The following LMO7 variants were observed in gnomAD, a reference collection of about 807,000 sequenced individuals.
LMO7 encodes LIM domain 7, also known as LIM domain only protein 7.
Under a neutral mutation model 206.5 loss-of-function variants are expected in LMO7, and 120 were observed. The ratio of observed to expected loss-of-function variants is 0.58; its 90% CI spans 0.50 to 0.68. The LOEUF (loss-of-function observed/expected upper bound fraction) is 0.68. LMO7 is among the 30% of genes least tolerant of loss of function. The pLI, the probability that LMO7 is intolerant of heterozygous loss-of-function variation, is 0.00. For synonymous variants in LMO7, 706 were observed against 681.5 expected, an observed-to-expected ratio of 1.04 and a Z score of -0.56; for missense variants, 1,959 against 1,957.9, an observed-to-expected ratio of 1.00 and a Z score of -0.01.
chr13:75,719,307 C>T (rs1458284454), intron 2 of LMO7, among the ~76,000 whole-genome samples: 1 of 152,070 alleles, frequency 6.6e-6, no homozygotes, highest in African/African-American at 2.4e-5. Context: ...TGCTGAATAA[C>T]GTTCTACTGT....
chr13:75,632,594 G>A (rs1241681549), upstream of LMO7, among the ~76,000 whole-genome samples: 3 of 152,188 alleles, frequency 2.0e-5, no homozygotes, highest in Non-Finnish European at 4.4e-5. Context: ...AGTGATTCTG[G>A]TAGCTTGCTA....
chr13:75,844,077 C>T (rs1043766263), intron 25 of LMO7, among the ~76,000 whole-genome samples: 4 of 152,168 alleles, frequency 2.6e-5, no homozygotes, highest in Non-Finnish European at 4.4e-5. Context: ...ATTTATATAG[C>T]TCATGACCTT....
At chr13:75,770,500 C>T (rs1300264321) in intron 4 of LMO7, among the ~76,000 whole-genome samples, 1 of 152,004 alleles carries the variant, frequency 6.6e-6, no homozygotes, top group Non-Finnish European at 1.5e-5. Flanking sequence ...AGAAATAAAA[C>T]CTACTCCTTT....
At chr13:75,686,000 G>A (rs1401779478) in intron 1 of LMO7, among the ~76,000 whole-genome samples, 1 of 145,732 alleles carries the variant, frequency 6.9e-6, no homozygotes, top group Admixed American at 7.2e-5. Flanking sequence ...TGATCCTCCT[G>A]CATAGCTGGG....
intron 25 of LMO7, among the ~76,000 whole-genome samples, chr13:75,844,114 A>G (rs1315755988): frequency 1.3e-5 from 2 of 152,176 alleles, no homozygotes; most frequent in African/African-American, 4.8e-5. Context: ...ATGCAGAGAA[A>G]GGAAACTTAA....
intron 3 of LMO7, among the ~76,000 whole-genome samples, chr13:75,753,989 C>T (rs996015999): frequency 6.6e-6 from 1 of 152,010 alleles, no homozygotes; most frequent in South Asian, 2.1e-4. Context: ...CACTTGTATC[C>T]CTAAAGCTAT....
chr13:75,800,624 T>C (rs2054610200), intron 6 of LMO7, 60 bp from the exon 7 acceptor site: 5 of 1,454,748 alleles, frequency 3.4e-6, no homozygotes, highest in African/African-American at 1.4e-5. Flanking sequence ...TAATAACCGA[T>C]TGATTATATT....
upstream of LMO7, among the ~76,000 whole-genome samples, chr13:75,635,381 T>A (rs548631098): frequency 6.6e-6 from 1 of 152,068 alleles, no homozygotes; most frequent in South Asian, 2.1e-4. Flanking sequence ...GAGACCTGAT[T>A]TGAGCACTGG....
intron 3 of LMO7, among the ~76,000 whole-genome samples, chr13:75,744,017 T>C (rs1381634878): frequency 2.0e-5 from 3 of 152,340 alleles, no homozygotes; most frequent in Non-Finnish European, 4.4e-5. Context: ...GATTGTGCAT[T>C]GCTGTCTTCA....
chr13:75,773,491 A>G (rs2050002982), intron 4 of LMO7, among the ~76,000 whole-genome samples: 1 of 152,176 alleles, frequency 6.6e-6, no homozygotes, highest in Non-Finnish European at 1.5e-5. Context: ...AGGTAAGGTA[A>G]TTACGGCAGT....
chr13:75,708,239 T>A (rs1029624132), intron 1 of LMO7, among the ~76,000 whole-genome samples: 3 of 152,220 alleles, frequency 2.0e-5, no homozygotes, highest in Admixed American at 6.5e-5. Context: ...TTATGTAACT[T>A]GCTTAAGATC....
intron 1 of LMO7, among the ~76,000 whole-genome samples, chr13:75,663,831 CT>C (rs988690650): frequency 6.6e-6 from 1 of 151,558 alleles, no homozygotes; most frequent in Admixed American, 6.6e-5. Context: ...AGTTGGGCTT[CT>C]TTTTTTTAAT....
In LMO7 at chr13:75,859,288, A is replaced by C. The variant is rs1379901813; in HGVS notation, c.*1345A>C. 6.6e-6 allele frequency: 1 copy of C among 152,210 alleles called. No homozygotes were observed. The highest frequency in any genetic ancestry group is 1.5e-5 in the Non-Finnish European group (1 of 68,030). 9.4% of individuals were successfully genotyped at this position (152,210 alleles called of 1,614,324 possible). On this transcript the variant is annotated 3_prime_UTR_variant, in exon 31 of 31. Transcript: ENST00000377534. ...TTATTCTGATTATTATTAAAGTAAT[A>C]ATGTGTTCCTTGAGGATAACTTGTC...
chr13:75,731,565 G>C (rs1054583991), intron 3 of LMO7, among the ~76,000 whole-genome samples: 2 of 151,948 alleles, frequency 1.3e-5, no homozygotes, highest in Non-Finnish European at 2.9e-5. Context: ...CACACTGATG[G>C]GTCTTGACTC....
Position 75,805,504 on chromosome 13 carries a change from A to G in LMO7, c.940A>G (p.Asn314Asp). Reference sequence around the variant, plus strand: ...TAATCAGAGGAGGATTTGGGGCACCAATGTGGAGAACTGGCCAACTGTACA... The same window carrying G: ...TAATCAGAGGAGGATTTGGGGCACCGATGTGGAGAACTGGCCAACTGTACA... ...SSNQRRIWGT[N>D]VENWPTVQGT... The change falls in exon 9 of 31, where the codon AAT becomes GAT. Residue 314 changes from asparagine to aspartate, a missense_variant. Physicochemically the swap from Asn to Asp is conservative, Grantham distance 23. Coordinates refer to ENST00000377534, the MANE Select transcript of LMO7 (RefSeq NM_001306080.2). 6.2e-7 allele frequency: 1 copy of G among 1,614,004 alleles called. No individual in the cohort carries two copies.
At chr13:75,721,430 G>A (rs537313077) in intron 2 of LMO7, among the ~76,000 whole-genome samples, 102 of 152,282 alleles carry the variant, frequency 6.7e-4, no homozygotes, top group African/African-American at 1.6e-3. Flanking sequence ...TAGCTGGACC[G>A]TCTGATTGCT....
At chr13:75,724,934 T>C (rs1469302490) in intron 2 of LMO7, among the ~76,000 whole-genome samples, 1 of 152,154 alleles carries the variant, frequency 6.6e-6, no homozygotes, top group Non-Finnish European at 1.5e-5. Context: ...TGTTTGCACA[T>C]GTACTTGAAG....
chr13:75,730,207 C>T (rs936762384), intron 3 of LMO7, among the ~76,000 whole-genome samples: 74 of 152,220 alleles, frequency 4.9e-4, no homozygotes, highest in African/African-American at 1.6e-3. Context: ...GGAATGGTAC[C>T]AGTTCCTCCT....
At chr13:75,826,790 A>G (rs921795511) in intron 15 of LMO7, among the ~76,000 whole-genome samples, 2 of 152,284 alleles carry the variant, frequency 1.3e-5, no homozygotes, top group East Asian at 3.9e-4. Flanking sequence ...TGGAGTCAGG[A>G]TTTGAACCCA....
Sources: allele counts gnomAD v4.1 joint callset (sites outside exome capture counted in the v4.1 genomes callset), GRCh38; gene constraint gnomAD v4.1.1; transcripts MANE v1.5; gene names NCBI Gene and HGNC (gene_info 2026-07-23, HGNC 2026-07-21).